MED27: variants seen among roughly 807,000 people sequenced by gnomAD.
The protein encoded by MED27 is mediator complex subunit 27, also known as mediator of RNA polymerase II transcription subunit 27.
Under a neutral mutation model 38.2 loss-of-function variants are expected in MED27, and 30 were observed. The ratio of observed to expected loss-of-function variants is 0.79; its 90% CI spans 0.59 to 1.07. MED27 has a LOEUF of 1.07. MED27 is among the 50% of genes least tolerant of loss of function. The probability of loss-of-function intolerance (pLI) is 0.00; values close to 1 mark genes in which losing one functional copy is unlikely to be tolerated. For synonymous variants in MED27, 122 were observed against 153.5 expected, an observed-to-expected ratio of 0.79 and a Z score of 1.52; for missense variants, 289 against 397.5, an observed-to-expected ratio of 0.73 and a Z score of 2.32.
intron 2 of MED27, among the ~76,000 whole-genome samples, chr9:132,016,430 G>A (rs1295792642): frequency 6.6e-6 from 1 of 152,120 alleles, no homozygotes; most frequent in East Asian, 1.9e-4. Context: ...GTAGAAAGGG[G>A]GGAGCATAAT....
chr9:132,019,803 A>G (rs1832680573), intron 2 of MED27, among the ~76,000 whole-genome samples: 1 of 152,196 alleles, frequency 6.6e-6, no homozygotes, highest in African/African-American at 2.4e-5. Flanking sequence ...CGGCAACAGA[A>G]CACAGCGATC....
At chr9:131,914,896 G>A (rs989464120) in intron 4 of MED27, among the ~76,000 whole-genome samples, 1 of 152,208 alleles carries the variant, frequency 6.6e-6, no homozygotes, top group Non-Finnish European at 1.5e-5. Context: ...CCAATGGATT[G>A]ATTGTGAAGT....
intron 2 of MED27, among the ~76,000 whole-genome samples, chr9:132,065,257 G>A (rs1305227922): frequency 3.3e-5 from 5 of 152,268 alleles, no homozygotes; most frequent in Admixed American, 1.3e-4. Context: ...AGAATGCACC[G>A]TGGCGGGAAC....
intron 2 of MED27, among the ~76,000 whole-genome samples, chr9:132,024,619 A>G (rs757646379): frequency 4.6e-5 from 7 of 152,240 alleles, no homozygotes; most frequent in Non-Finnish European, 1.0e-4. Flanking sequence ...CTAAATGAGT[A>G]GCTATATTGA....
At chr9:131,951,237 C>T (rs1445540311) in intron 3 of MED27, among the ~76,000 whole-genome samples, 1 of 152,228 alleles carries the variant, frequency 6.6e-6, no homozygotes, top group Non-Finnish European at 1.5e-5. Context: ...CAAATGCACA[C>T]CAGACAAGTG....
At chr9:131,966,909 T>C (rs1049260365) in intron 3 of MED27, among the ~76,000 whole-genome samples, 4 of 152,264 alleles carry the variant, frequency 2.6e-5, no homozygotes, top group Admixed American at 6.5e-5. Flanking sequence ...GCAAGTACTA[T>C]CTGGATGCTC....
rs1378128427 is a variant in MED27 at position 131,861,466 on chromosome 9, G to C, written c.802-794C>G. ...GAGAAAACTGTTATTTGAAGAGGTT[G>C]GCCGAGCTTATTGATACACATTCTT... is the stretch of plus-strand genomic sequence containing the variant. On this transcript the variant is annotated intron_variant, in intron 7 of 7. Transcript: ENST00000292035. The surrounding 1 kb of genome is among the most constrained non-coding windows in gnomAD (Gnocchi z 4.4). 6.6e-6 allele frequency among the ~76,000 whole-genome samples: 1 copy of C among 152,208 alleles called. No individual in the cohort carries two copies. Among genetic ancestry groups the C allele is most frequent in the Non-Finnish European group, 1.5e-5 (1 of 68,044 alleles).
chr9:131,860,690 G>A lies in MED27; in HGVS notation c.802-18C>T, dbSNP rs936777271. On this transcript the variant is annotated intron_variant, in intron 7 of 7. Coordinates refer to ENST00000292035, the MANE Select transcript of MED27 (RefSeq NM_004269.4). The surrounding 1 kb of genome is among the most constrained non-coding windows in gnomAD (Gnocchi z 5.8). ...AACCAGGTCTAAAAAGAGAAACGAG[G>A]AGAGAAGTGAAAGAATGGGATACGG... is the stretch of plus-strand genomic sequence containing the variant. 8.1e-6 allele frequency: 13 copies of A among 1,611,512 alleles called. No homozygotes were observed. The highest frequency in any genetic ancestry group is 1.7e-5 in the Admixed American group (1 of 59,722).
chr9:132,073,575 T>A (rs900734777), intron 2 of MED27: 1 of 1,388,958 alleles, frequency 7.2e-7, no homozygotes, highest in African/African-American at 1.5e-5. Context: ...AGTTCCATGA[T>A]GCAAAAACAG....
Position 132,020,306 on chromosome 9 carries a change from G to A in MED27, c.349-5839C>T, listed in dbSNP as rs1318239025. Among the ~76,000 whole-genome samples, 4 of 152,230 alleles carry A rather than the reference G, an allele frequency of 2.6e-5. No individual in the cohort carries two copies. In the East Asian group the frequency reaches 7.7e-4, roughly 29 times the overall value. ...AGATCACTGACCAAAACAGCCAGAGGTGGCTGGCGTAAGTGCACTGAAAAT... is the reference window on the plus strand; with the variant it reads ...AGATCACTGACCAAAACAGCCAGAGATGGCTGGCGTAAGTGCACTGAAAAT... On this transcript the variant is annotated intron_variant, in intron 2 of 7. Coordinates refer to ENST00000292035, the MANE Select transcript of MED27 (RefSeq NM_004269.4).
At position 132,074,368 on chromosome 9, in the gene MED27, G is replaced by A. The variant is rs547649892; in HGVS notation, c.348+3074C>T. Among the ~76,000 whole-genome samples the A allele has an allele frequency of 6.6e-5, 10 of 152,260 alleles. No homozygotes were observed. The South Asian group carries it at 2.1e-3, about 32-fold the overall frequency. ...AAATAATTAGTCATTAGGCATGAAC[G>A]AGACTTTTCTATGGCCAACAGCACA... On this transcript the variant is annotated intron_variant, in intron 2 of 7. Coordinates refer to ENST00000292035, the MANE Select transcript of MED27 (RefSeq NM_004269.4).
chr9:132,003,080 C>T lies in MED27; in HGVS notation c.479+11257G>A, dbSNP rs1348021414. Among the ~76,000 whole-genome samples, 2 of 151,652 alleles carry T rather than the reference C, an allele frequency of 1.3e-5. No individual in the cohort carries two copies. Among genetic ancestry groups the T allele is most frequent in the Non-Finnish European group, 2.9e-5 (2 of 67,954 alleles). On this transcript the variant is annotated intron_variant, in intron 3 of 7. Coordinates refer to ENST00000292035, the MANE Select transcript of MED27 (RefSeq NM_004269.4). This position sits in a 1 kb window ranked among gnomAD's most constrained non-coding sequence, Gnocchi z 4.2. ...AACAATCCTGAAGCTCTTTGTTATG[C>T]AAAGAGAGATTTAAAAAAAAAAATG...
At chr9:132,002,160 G>A (rs948887940) in intron 3 of MED27, among the ~76,000 whole-genome samples, 4 of 152,140 alleles carry the variant, frequency 2.6e-5, no homozygotes, top group East Asian at 1.9e-4. Context: ...AGCTCAGAGC[G>A]TAACTGAGGT....
rs59676967 is a variant in MED27, at chr9:131,864,389, G to A, written c.724-1249C>T. ...TCCCAGCTACTCAGGAGGCTGAGAT[G>A]GGAGGATCATCCGAGCCTGGGAAGT... On this transcript the variant is annotated intron_variant, in intron 6 of 7. Coordinates refer to ENST00000292035, the MANE Select transcript of MED27 (RefSeq NM_004269.4). 4.1e-3 allele frequency among the ~76,000 whole-genome samples: 629 copies of A among 152,264 alleles called. 9 individuals carry two copies. The highest frequency in any genetic ancestry group is 0.015 in the African/African-American group (604 of 41,544).
At chr9:131,955,634 T>C (rs988798245) in intron 3 of MED27, among the ~76,000 whole-genome samples, 1 of 152,240 alleles carries the variant, frequency 6.6e-6, no homozygotes, top group Non-Finnish European at 1.5e-5. Context: ...CTTCGACAGC[T>C]AGACGAAGTG....
intron 1 of MED27, among the ~76,000 whole-genome samples, chr9:132,077,907 A>G (rs1316724970): frequency 1.3e-5 from 2 of 152,168 alleles, no homozygotes; most frequent in African/African-American, 4.8e-5. Flanking sequence ...ACTTTCTGGA[A>G]TTTTGAAATG....
intron 2 of MED27, among the ~76,000 whole-genome samples, chr9:132,054,106 A>G (rs1833521648): frequency 6.6e-6 from 1 of 152,150 alleles, no homozygotes. Flanking sequence ...TATAGTTTGG[A>G]TATTTGTTCC....
intron 4 of MED27, among the ~76,000 whole-genome samples, chr9:131,905,720 A>C (rs1830046859): frequency 9.4e-6 from 1 of 105,892 alleles, no homozygotes; most frequent in Admixed American, 1.2e-4. Context: ...AAAAAAAAAA[A>C]AAAAAAACAG....
intron 3 of MED27, among the ~76,000 whole-genome samples, chr9:131,976,385 A>G (rs1831609238): frequency 6.6e-6 from 1 of 152,210 alleles, no homozygotes; most frequent in African/African-American, 2.4e-5. Flanking sequence ...TAATCAGCTG[A>G]TAAGTTATGC....
Sources: allele counts gnomAD v4.1 joint callset (sites outside exome capture counted in the v4.1 genomes callset), GRCh38; gene constraint gnomAD v4.1.1; non-coding constraint Gnocchi (gnomAD v3.1); transcripts MANE v1.5; gene names NCBI Gene and HGNC (gene_info 2026-07-23, HGNC 2026-07-21).